The following QSER1 variants were observed in gnomAD, a reference collection of about 807,000 sequenced individuals.
The protein encoded by QSER1 is glutamine and serine-rich protein 1.
In QSER1, 49 loss-of-function variants were observed where a neutral mutation model predicts 158.5. The ratio of observed to expected loss-of-function variants is 0.31; its 90% confidence interval spans 0.25 to 0.39. The LOEUF is 0.39. QSER1 is among the 10% of genes least tolerant of loss of function. The probability of loss-of-function intolerance (pLI) is 1.00; values close to 1 mark genes in which losing one functional copy is unlikely to be tolerated. For missense variants in QSER1, 1,754 were observed against 2,010.3 expected (o/e 0.87, Z 2.44); for synonymous variants, 650 against 715.5 (o/e 0.91, Z 1.46).
At chr11:32,975,864 T>G (rs1043507359) in intron 12 of QSER1, among the ~76,000 whole-genome samples, 10 of 152,236 alleles carry the variant, frequency 6.6e-5, no homozygotes, top group African/African-American at 2.4e-4. Context: ...TAAGCATTAA[T>G]TTCCACAGCC....
At chr11:32,912,740 C>G (rs1355574198) in intron 1 of QSER1, among the ~76,000 whole-genome samples, 2 of 151,988 alleles carry the variant, frequency 1.3e-5, no homozygotes, top group African/African-American at 4.8e-5. Context: ...GAGACCTTGT[C>G]TCTATAAAAA....
At position 32,933,450 on chromosome 11, in the gene QSER1, C is replaced by G. The variant is rs776395657; in HGVS notation, c.2192C>G (p.Ala731Gly). Residue 731 changes from alanine to glycine, a missense_variant, in exon 4 of 13, where the codon GCA (alanine) becomes GGA (glycine). Physicochemically the swap from Ala to Gly is moderately conservative, Grantham distance 60 (BLOSUM62 0). This residue lies in a region of QSER1 where 1,707 missense variants were observed against 1,919.6 expected (regional missense o/e 0.89). Coordinates refer to ENST00000650167, the MANE Select transcript of QSER1 (RefSeq NM_001076786.3). ...GAATCAACTTATAAGGTGTCAAAGGCAGATGACAGATATTCTCAGAGTGTA... is the reference window on the plus strand; with the variant it reads ...GAATCAACTTATAAGGTGTCAAAGGGAGATGACAGATATTCTCAGAGTGTA... Reference protein sequence around the residue: ...AQESTYKVSKADDRYSQSVIR... With the variant: ...AQESTYKVSKGDDRYSQSVIR... 6.2e-7 allele frequency: 1 copy of G among 1,612,954 alleles called. No individual in the cohort carries two copies. The highest frequency in any genetic ancestry group is 1.1e-5 in the South Asian group (1 of 90,792).
chr11:32,964,785 C>T (rs1040191620), intron 8 of QSER1, among the ~76,000 whole-genome samples: 20 of 147,618 alleles, frequency 1.4e-4, no homozygotes, highest in Non-Finnish European at 2.7e-4. Context: ...CACACACATA[C>T]ACACACATAA....
chr11:32,955,351 T>C lies in QSER1; in HGVS notation c.4556T>C (p.Leu1519Ser). Reference protein sequence around the residue: ...PPAIWKVQKALLQKFVPEIRD... With the variant: ...PPAIWKVQKASLQKFVPEIRD... ...GCTATTTGGAAAGTACAAAAAGCTT[T>C]ATTACAGAAATTTGTTCCTGAAATT... Residue 1519 changes from leucine to serine, a missense_variant, in exon 6 of 13, where the codon TTA becomes TCA. Leu to Ser is a moderately radical substitution (Grantham distance 145). Transcript: ENST00000650167. 6.2e-7 allele frequency: 1 copy of C among 1,602,826 alleles called. No individual in the cohort carries two copies. The highest frequency in any genetic ancestry group is 8.5e-7 in the Non-Finnish European group (1 of 1,176,688).
At chr11:32,898,837 CG>C (rs1270265924) in intron 1 of QSER1, among the ~76,000 whole-genome samples, 1 of 152,174 alleles carries the variant, frequency 6.6e-6, no homozygotes, top group Non-Finnish European at 1.5e-5. Flanking sequence ...GCCTCTCAGG[CG>C]TGAGCCACCA....
At chr11:32,954,443 A>G (rs1260399784) in intron 5 of QSER1, among the ~76,000 whole-genome samples, 1 of 152,174 alleles carries the variant, frequency 6.6e-6, no homozygotes, top group Non-Finnish European at 1.5e-5. Flanking sequence ...TAAAATGTTG[A>G]CTTTTTTCAA....
chr11:32,968,078 A>T (rs868814308), intron 9 of QSER1, among the ~76,000 whole-genome samples: 66 of 152,290 alleles, frequency 4.3e-4, no homozygotes, highest in African/African-American at 1.6e-3. Context: ...AAAGATTTTT[A>T]AAAATTGCTT....
intron 4 of QSER1, among the ~76,000 whole-genome samples, 176 bp from the exon 5 acceptor site, chr11:32,953,681 A>C (rs991855950): frequency 2.0e-5 from 3 of 152,202 alleles, no homozygotes; most frequent in African/African-American, 4.8e-5. Context: ...CTTAATTCTC[A>C]CATCTTTGAT....
intron 1 of QSER1, among the ~76,000 whole-genome samples, chr11:32,906,654 C>G (rs1481696395): frequency 6.6e-6 from 1 of 152,042 alleles, no homozygotes; most frequent in African/African-American, 2.4e-5. Flanking sequence ...CTCAAGTGAC[C>G]CTCCTGCCTG....
chr11:32,965,942 A>AC (rs1852734941), intron 8 of QSER1, among the ~76,000 whole-genome samples: 1 of 20,688 alleles, frequency 4.8e-5, no homozygotes, highest in African/African-American at 9.6e-5. Flanking sequence ...ACTCTGTCTC[A>AC]AAACACACAC....
Position 32,964,767 on chromosome 11 carries a change from C to T in QSER1, c.4970-1533C>T, listed in dbSNP as rs920843511. Among the ~76,000 whole-genome samples the T allele has an allele frequency of 9.3e-3, 1,325 of 142,306 alleles. 47 individuals carry two copies. The highest frequency in any genetic ancestry group is 0.032 in the African/African-American group (1,223 of 37,962). The allele number at this position is 142,306 out of a possible 152,430, so 93.4% of individuals were successfully genotyped here. A position where few individuals can be genotyped will look rare whatever the true frequency, so the allele number is the denominator to read the frequency against. On this transcript the variant is annotated intron_variant, in intron 8 of 12. Coordinates refer to ENST00000650167, the MANE Select transcript of QSER1 (RefSeq NM_001076786.3). Reference sequence around the variant, plus strand: ...ACACACACACACACACACACACACACACACACACACACACATACACACACA... The same window carrying T: ...ACACACACACACACACACACACACATACACACACACACACATACACACACA...
intron 1 of QSER1, among the ~76,000 whole-genome samples, chr11:32,895,873 T>A (rs1197696125): frequency 6.6e-6 from 1 of 152,222 alleles, no homozygotes; most frequent in African/African-American, 2.4e-5. Context: ...ATACAACAGC[T>A]CTGTTAGTTA....
intron 1 of QSER1, among the ~76,000 whole-genome samples, chr11:32,912,481 C>T (rs1851779108): frequency 6.6e-6 from 1 of 152,066 alleles, no homozygotes; most frequent in Non-Finnish European, 1.5e-5. Context: ...TTCTTTTGAA[C>T]TTTTCAAAGT....
At chr11:32,969,579 G>A (rs979548826) in intron 10 of QSER1, among the ~76,000 whole-genome samples, 4 of 151,754 alleles carry the variant, frequency 2.6e-5, no homozygotes, top group Admixed American at 2.6e-4. Flanking sequence ...AGTTGGTTTT[G>A]GTGTTATCAG....
chr11:32,910,015 C>T (rs1281345695), intron 1 of QSER1, among the ~76,000 whole-genome samples: 1 of 152,152 alleles, frequency 6.6e-6, no homozygotes, highest in Non-Finnish European at 1.5e-5. Context: ...ATTGTGCCCA[C>T]AAGGTTTTCC....
chr11:32,978,130 A>G lies in QSER1; in HGVS notation c.*1656A>G, dbSNP rs773173545. 1.3e-5 allele frequency: 2 copies of G among 152,644 alleles called. No homozygotes were observed. The highest frequency in any genetic ancestry group is 2.9e-5 in the Non-Finnish European group (2 of 68,032). 9.5% of individuals were successfully genotyped at this position (152,644 alleles called of 1,614,324 possible). On this transcript the variant is annotated 3_prime_UTR_variant, in exon 13 of 13. Transcript: ENST00000650167. ...AATAATCCTTAATACTGTACTTGCC[A>G]TTAGACTAGGTACTCAGTAATGGAA...
chr11:32,972,466 C>T (rs1398182404), intron 10 of QSER1, among the ~76,000 whole-genome samples: 5 of 151,268 alleles, frequency 3.3e-5, no homozygotes, highest in Non-Finnish European at 7.4e-5. Flanking sequence ...GATAGAGTCT[C>T]TCTCTGTCAC....
intron 1 of QSER1, among the ~76,000 whole-genome samples, chr11:32,923,516 A>G (rs1481029858): frequency 1.3e-5 from 2 of 151,982 alleles, no homozygotes; most frequent in Non-Finnish European, 2.9e-5. Flanking sequence ...TCTACTAAAA[A>G]TACAAAAAAA....
intron 1 of QSER1, among the ~76,000 whole-genome samples, chr11:32,896,971 C>G (rs1414851114): frequency 6.6e-6 from 1 of 152,156 alleles, no homozygotes; most frequent in Non-Finnish European, 1.5e-5. Context: ...TTATTTCAGA[C>G]AAACTTCCAC....
Sources: allele counts gnomAD v4.1 joint callset (sites outside exome capture counted in the v4.1 genomes callset), GRCh38; gene constraint gnomAD v4.1.1; regional missense constraint gnomAD v4.1.1; transcripts MANE v1.5; gene names NCBI Gene and HGNC (gene_info 2026-07-23, HGNC 2026-07-21).